The following ATP5F1C variants were observed in gnomAD, a reference collection of about 807,000 sequenced individuals.
ATP5F1C encodes the protein ATP synthase F1 subunit gamma.
Under a neutral mutation model 37.4 loss-of-function variants are expected in ATP5F1C, and 22 were observed. The ratio of observed to expected loss-of-function variants is 0.59; its 90% CI spans 0.42 to 0.84. The LOEUF (loss-of-function observed/expected upper bound fraction) is 0.84, where lower values mean the gene tolerates loss of function less well. Ranked by LOEUF, ATP5F1C falls within the 40% of genes least tolerant of loss-of-function variation. The probability of loss-of-function intolerance (pLI) is 0.00; values close to 1 mark genes in which losing one functional copy is unlikely to be tolerated. For missense variants in ATP5F1C, 286 were observed against 362.4 expected, an observed-to-expected ratio of 0.79 and a Z score of 1.71; for synonymous variants, 121 against 128.0, an observed-to-expected ratio of 0.95 and a Z score of 0.37.
At chr10:7,805,400 T>C (rs1836454894) in intron 8 of ATP5F1C, among the ~76,000 whole-genome samples, 1 of 152,148 alleles carries the variant, frequency 6.6e-6, no homozygotes, top group African/African-American at 2.4e-5. Flanking sequence ...AGGTATGACC[T>C]ATGATGATAC....
intron 1 of ATP5F1C, among the ~76,000 whole-genome samples, chr10:7,793,107 G>C (rs1836187670): frequency 6.6e-6 from 1 of 151,940 alleles, no homozygotes; most frequent in Non-Finnish European, 1.5e-5. Flanking sequence ...TTTGCCATCT[G>C]GTTGGTTTTT....
intron 1 of ATP5F1C, among the ~76,000 whole-genome samples, chr10:7,788,518 C>G (rs1168504768): frequency 6.6e-6 from 1 of 152,194 alleles, no homozygotes; most frequent in Non-Finnish European, 1.5e-5. Flanking sequence ...CCTGGGACCT[C>G]GGGACTGCGG....
In ATP5F1C at chr10:7,795,799, A is replaced by AG. The variant is rs3839915; in HGVS notation, c.57-318dup. ...TATAGTTGGGCAGCTTAACAAGGGG[A>AG]GGGGCTTTTCTGTCATGGAAACAAG... On this transcript the variant is annotated intron_variant, in intron 1 of 9. Coordinates refer to ENST00000356708, the MANE Select transcript of ATP5F1C (RefSeq NM_001001973.3). 9.6e-3 allele frequency among the ~76,000 whole-genome samples: 1,458 copies of AG among 152,224 alleles called. 14 individuals carry two copies. Among genetic ancestry groups the AG allele is most frequent in the South Asian group, 0.024 (114 of 4,824 alleles).
intron 1 of ATP5F1C, among the ~76,000 whole-genome samples, chr10:7,793,688 C>G (rs1564330673): frequency 1.3e-5 from 2 of 152,172 alleles, no homozygotes; most frequent in Non-Finnish European, 2.9e-5. Flanking sequence ...TTTAAAAACT[C>G]ATTGCCAAAC....
chr10:7,796,896 T>G lies in ATP5F1C; in HGVS notation c.92-151T>G, dbSNP rs1836249616. On this transcript the variant is annotated intron_variant, in intron 2 of 9. Coordinates refer to ENST00000356708, the MANE Select transcript of ATP5F1C (RefSeq NM_001001973.3). ...ACCGTGCCCGGCTATTAGTACTAGTTCTAATATTAAGACTGGTTTAGCATC... is the reference window on the plus strand; with the variant it reads ...ACCGTGCCCGGCTATTAGTACTAGTGCTAATATTAAGACTGGTTTAGCATC... 3.5e-6 allele frequency: 3 copies of G among 868,680 alleles called. No individual in the cohort carries two copies. In the African/African-American group the frequency reaches 5.2e-5, roughly 15 times the overall value. 53.8% of individuals were successfully genotyped at this position (868,680 alleles called of 1,614,324 possible).
chr10:7,805,972 G>A (rs1046307691), intron 8 of ATP5F1C, among the ~76,000 whole-genome samples: 20 of 152,260 alleles, frequency 1.3e-4, no homozygotes, highest in African/African-American at 4.8e-4. Flanking sequence ...TGTTGTCCTA[G>A]CTACTCAGGA....
Position 7,796,143 on chromosome 10 carries a change from A to T in ATP5F1C, c.79A>T (p.Thr27Ser), listed in dbSNP as rs199602842. ...PQWIQVRNMA[T>S]LKDITRRLKS... is the part of the protein sequence containing the mutation. Reference sequence around the variant, plus strand: ...CAGGATTCAAGTTCGAAATATGGCAACTTTGAAAGATAGTAAGTATGTTGT... The same window carrying T: ...CAGGATTCAAGTTCGAAATATGGCATCTTTGAAAGATAGTAAGTATGTTGT... The change falls in exon 2 of 10, where the codon ACT (threonine) becomes TCT (serine). Residue 27 changes from threonine to serine, a missense_variant. Thr to Ser is a moderately conservative substitution (Grantham distance 58). Transcript: ENST00000356708. 2 of 1,588,174 alleles carry T rather than the reference A, an allele frequency of 1.3e-6. No homozygotes were observed. The highest frequency in any genetic ancestry group is 1.4e-5 in the African/African-American group (1 of 73,610).
chr10:7,798,687 T>C (rs1399631632), intron 3 of ATP5F1C, among the ~76,000 whole-genome samples: 5 of 152,130 alleles, frequency 3.3e-5, no homozygotes, highest in Admixed American at 1.3e-4. Context: ...TGAGCCACCG[T>C]GCCCAGCCAA....
At chr10:7,788,761 C>A (rs1047010869) in intron 1 of ATP5F1C, among the ~76,000 whole-genome samples, 1 of 151,942 alleles carries the variant, frequency 6.6e-6, no homozygotes, top group Non-Finnish European at 1.5e-5. Context: ...TCAGAGAGCG[C>A]GGCCGTCGAG....
At chr10:7,806,702 T>TTGTAATTTA in intron 8 of ATP5F1C, among the ~76,000 whole-genome samples, 1 of 151,968 alleles carries the variant, frequency 6.6e-6, no homozygotes, top group South Asian at 2.1e-4. Context: ...TATAGAAAAA[T>TTGTAATTTA]TGTAATTTAA....
Position 7,799,797 on chromosome 10 carries a change from G to T in ATP5F1C, c.454G>T (p.Ala152Ser), listed in dbSNP as rs11555848. ...YRTHSDQFLVAFKEVGRKPPT... is the reference protein window; with the variant it reads ...YRTHSDQFLVSFKEVGRKPPT... ...GACTCATTCTGACCAGTTTCTGGTG[G>T]CATTCAAAGAAGTGGGAAGAAAGCC... Residue 152 changes from alanine to serine, a missense_variant, in exon 5 of 10, where the codon GCA becomes TCA. By Grantham distance (99) the Ala-to-Ser change is moderately conservative (BLOSUM62 1). Coordinates refer to ENST00000356708, the MANE Select transcript of ATP5F1C (RefSeq NM_001001973.3). 1 of 1,614,140 alleles carries T rather than the reference G, an allele frequency of 6.2e-7. No homozygotes were observed. Among genetic ancestry groups the T allele is most frequent in the Non-Finnish European group, 8.5e-7 (1 of 1,180,038 alleles).
At chr10:7,807,518 A>G (rs748225673) in intron 9 of ATP5F1C, 141 bp from the exon 10 acceptor site, 2 of 958,150 alleles carry the variant, frequency 2.1e-6, no homozygotes, top group Non-Finnish European at 1.5e-6. Flanking sequence ...CCAAAATTTT[A>G]GAATCACTGG....
intron 4 of ATP5F1C, 29 bp downstream of exon 4, chr10:7,799,223 A>G: frequency 6.3e-7 from 1 of 1,581,842 alleles, no homozygotes; most frequent in Non-Finnish European, 8.6e-7. Flanking sequence ...GTTTATTTTC[A>G]TAAAGATGTA....
At chr10:7,802,708 TTCTAC>T (rs766217799) in intron 7 of ATP5F1C, 45 bp from the exon 8 acceptor site, 1 of 1,559,248 alleles carries the variant, frequency 6.4e-7, no homozygotes, top group Non-Finnish European at 8.7e-7. Flanking sequence ...TAACAAGTTA[TTCTAC>T]TCTAGTTTCA....
intron 1 of ATP5F1C, among the ~76,000 whole-genome samples, chr10:7,789,570 C>T (rs1000483253): frequency 6.6e-6 from 1 of 152,146 alleles, no homozygotes; most frequent in Non-Finnish European, 1.5e-5. Flanking sequence ...TGCTTCCACT[C>T]CACCCGGTGG....
At chr10:7,802,194 A>T in intron 6 of ATP5F1C, 76 bp from the exon 7 acceptor site, 1 of 1,446,260 alleles carries the variant, frequency 6.9e-7, no homozygotes, top group Non-Finnish European at 9.3e-7. Flanking sequence ...AAGGAGTTTT[A>T]CACTGAAAAG....
chr10:7,803,887 A>C (rs1279429225), intron 8 of ATP5F1C, among the ~76,000 whole-genome samples: 1 of 152,168 alleles, frequency 6.6e-6, no homozygotes, highest in Non-Finnish European at 1.5e-5. Flanking sequence ...CCTTCTAACT[A>C]TCTCTTGAAT....
intron 1 of ATP5F1C, among the ~76,000 whole-genome samples, chr10:7,790,640 G>A (rs1836147789): frequency 1.3e-5 from 2 of 152,194 alleles, no homozygotes; most frequent in African/African-American, 4.8e-5. Context: ...ACTAATAAAT[G>A]TAAAAAATGT....
chr10:7,804,902 G>A (rs1433957594), intron 8 of ATP5F1C, among the ~76,000 whole-genome samples: 1 of 152,240 alleles, frequency 6.6e-6, no homozygotes, highest in Non-Finnish European at 1.5e-5. Flanking sequence ...TGTTCCTTAA[G>A]TGTTACTTTT....
Sources: allele counts gnomAD v4.1 joint callset (sites outside exome capture counted in the v4.1 genomes callset), GRCh38; gene constraint gnomAD v4.1.1; transcripts MANE v1.5; gene names NCBI Gene and HGNC (gene_info 2026-07-23, HGNC 2026-07-21).